The following IL17RB variants were observed in gnomAD, a reference collection of about 807,000 sequenced individuals.
The protein encoded by IL17RB is interleukin 17 receptor B.
IL17RB carries 36 observed loss-of-function variants against 43.9 expected under a neutral mutation model. The ratio of observed to expected loss-of-function variants is 0.82; its 90% CI spans 0.63 to 1.08. IL17RB has a LOEUF of 1.08. IL17RB is among the 50% of genes least tolerant of loss of function. IL17RB has a pLI of 0.00. For missense variants in IL17RB, 613 were observed against 613.6 expected (o/e 1.00, Z 0.01); for synonymous variants, 225 against 225.4 (o/e 1.00, Z 0.02).
chr3:53,852,349 G>C (rs927324104), intron 4 of IL17RB, among the ~76,000 whole-genome samples: 1 of 152,132 alleles, frequency 6.6e-6, no homozygotes, highest in East Asian at 1.9e-4. Flanking sequence ...CCGTGTTGCT[G>C]GTCTTGAATT....
At chr3:53,863,437 C>A (rs1699643213) in intron 10 of IL17RB, among the ~76,000 whole-genome samples, 1 of 152,182 alleles carries the variant, frequency 6.6e-6, no homozygotes, top group South Asian at 2.1e-4. Flanking sequence ...AAAGGAAATA[C>A]AAATGCATCC....
chr3:53,865,364 A>C lies in IL17RB; in HGVS notation c.*56A>C. ...GCTTCCTATCCCACCAATTACAGGG[A>C]AAAAACGTGTGATGATCCTGAAGCT... On this transcript the variant is annotated 3_prime_UTR_variant, in exon 11 of 11. Coordinates refer to ENST00000288167, the MANE Select transcript of IL17RB (RefSeq NM_018725.4). The C allele has an allele frequency of 7.2e-7, 1 of 1,380,032 alleles. No individual in the cohort carries two copies. Among genetic ancestry groups the C allele is most frequent in the Admixed American group, 2.2e-5 (1 of 46,188 alleles). The allele number at this position is 1,380,032 out of a possible 1,614,324, so 85.5% of individuals were successfully genotyped here. A position where few individuals can be genotyped will look rare whatever the true frequency, so the allele number is the denominator to read the frequency against.
intron 3 of IL17RB, 79 bp downstream of exon 3, chr3:53,849,874 C>T: frequency 7.3e-7 from 1 of 1,373,070 alleles, no homozygotes; most frequent in South Asian, 1.5e-5. Context: ...ACCATTAATT[C>T]CCCTTCTACG....
chr3:53,855,427 A>G, intron 6 of IL17RB, 86 bp downstream of exon 6: 1 of 949,296 alleles, frequency 1.1e-6, no homozygotes, highest in Non-Finnish European at 1.7e-6. Context: ...GCACAGAAGA[A>G]CTGAGCCCTA....
In IL17RB at chr3:53,860,085, G is replaced by C. The variant is rs1034284320; in HGVS notation, c.848-45G>C. 6.4e-6 allele frequency: 8 copies of C among 1,243,008 alleles called. No homozygotes were observed. The African/African-American group carries it at 8.9e-5, about 14-fold the overall frequency. The allele number at this position is 1,243,008 out of a possible 1,614,324, so 77.0% of individuals were successfully genotyped here. A position where few individuals can be genotyped will look rare whatever the true frequency, so the allele number is the denominator to read the frequency against. ...TCTTAGTTTTTAAATTAAGAGATAA[G>C]TGTGGATTTGTTTTCCAAAGGTGAA... On this transcript the variant is annotated intron_variant, in intron 9 of 10. Coordinates refer to ENST00000288167, the MANE Select transcript of IL17RB (RefSeq NM_018725.4).
At chr3:53,853,073 G>A in intron 5 of IL17RB, 76 bp downstream of exon 5, 1 of 1,569,938 alleles carries the variant, frequency 6.4e-7, no homozygotes, top group East Asian at 2.2e-5. Context: ...AGAGAGCCCA[G>A]GGAACCCTGG....
At chr3:53,849,196 C>T (rs1218362170) in intron 2 of IL17RB, among the ~76,000 whole-genome samples, 2 of 152,176 alleles carry the variant, frequency 1.3e-5, no homozygotes, top group Admixed American at 1.3e-4. Context: ...CTGAGGAAGG[C>T]AGGCCTGACT....
chr3:53,850,497 C>T (rs1699098038), intron 3 of IL17RB, among the ~76,000 whole-genome samples: 1 of 117,670 alleles, frequency 8.5e-6, no homozygotes, highest in African/African-American at 3.3e-5. Context: ...GAAACTCCGT[C>T]TCAAAAAAAA....
rs376984504 is a variant in IL17RB at position 53,851,993 on chromosome 3, C to T, written c.227-6C>T. 1.1e-5 allele frequency: 18 copies of T among 1,613,904 alleles called. No individual in the cohort carries two copies. Among genetic ancestry groups the T allele is most frequent in the African/African-American group, 9.3e-5 (7 of 74,892 alleles). ...TAAACCAATGTCCTCTTGCCTATCTCGGCAGCCAGCATCCGCTTGTTGAAG... is the reference window on the plus strand; with the variant it reads ...TAAACCAATGTCCTCTTGCCTATCTTGGCAGCCAGCATCCGCTTGTTGAAG... On this transcript the variant is annotated splice_polypyrimidine_tract_variant and splice_region_variant and intron_variant, in intron 3 of 10. Coordinates refer to ENST00000288167, the MANE Select transcript of IL17RB (RefSeq NM_018725.4).
chr3:53,849,557 G>A, intron 2 of IL17RB, 98 bp from the exon 3 acceptor site: 1 of 1,081,306 alleles, frequency 9.2e-7, no homozygotes, highest in Non-Finnish European at 1.3e-6. Flanking sequence ...GAGGAATTGT[G>A]AATGGGGGAA....
In IL17RB at chr3:53,864,798, G is replaced by C. The variant is rs149264259; in HGVS notation, c.999G>C (p.Lys333Asn). ...FSTTTLLPPI[K>N]VLVVYPSEIC... ...CCACCACACTACTGCCCCCCATTAA[G>C]GTTCTTGTGGTTTACCCATCTGAAA... The change falls in exon 11 of 11, where the codon AAG becomes AAC. Residue 333 changes from lysine (K) to asparagine (N), a missense_variant. Lys to Asn is a moderately conservative substitution (Grantham distance 94). Coordinates refer to ENST00000288167, the MANE Select transcript of IL17RB (RefSeq NM_018725.4). 8 of 1,613,952 alleles carry C rather than the reference G, an allele frequency of 5.0e-6. No individual in the cohort carries two copies. The African/African-American group carries it at 9.3e-5, about 19-fold the overall frequency.
rs1249810783 is a variant in IL17RB at position 53,860,172 on chromosome 3, C to T, written c.890C>T (p.Ser297Phe). The T allele has an allele frequency of 6.2e-7, 1 of 1,614,140 alleles. No individual in the cohort carries two copies. Among genetic ancestry groups the T allele is most frequent in the Non-Finnish European group, 8.5e-7 (1 of 1,179,996 alleles). ...PGGWLPLLLL[S>F]LLVATWVLVA... The stretch of plus-strand genomic sequence containing the variant: ...GGCTGGCTGCCTCTCCTCCTGCTGT[C>T]TCTGCTGGTGGCCACATGGGTGCTG... Residue 297 changes from serine (S) to phenylalanine (F), a missense_variant, in exon 10 of 11, where the codon TCT becomes TTT. Transcript: ENST00000288167.
At chr3:53,852,208 C>A (rs1162896362) in intron 4 of IL17RB, 82 bp downstream of exon 4, 5 of 1,263,584 alleles carry the variant, frequency 4.0e-6, no homozygotes, top group South Asian at 1.3e-5. Context: ...GTGGTGCGAT[C>A]ATGGCTCACT....
At chr3:53,848,557 C>T (rs1699021168) in intron 1 of IL17RB, 107 bp from the exon 2 acceptor site, 2 of 1,065,674 alleles carry the variant, frequency 1.9e-6, no homozygotes, top group African/African-American at 1.6e-5. Context: ...GAAAGTTTGT[C>T]ACTTGTATAT....
At chr3:53,857,499 G>T (rs1174270515) in intron 7 of IL17RB, 117 bp from the exon 8 acceptor site, 1 of 834,726 alleles carries the variant, frequency 1.2e-6, no homozygotes, top group Non-Finnish European at 2.1e-6. Flanking sequence ...TGCCCAGGCT[G>T]GTCTCAAAAT....
intron 6 of IL17RB, 35 bp from the exon 7 acceptor site, chr3:53,856,809 C>T (rs1699348627): frequency 6.2e-7 from 1 of 1,611,964 alleles, no homozygotes; most frequent in Admixed American, 1.7e-5. Context: ...GAAGAGTTAG[C>T]AAGTTCATCT....
In IL17RB at chr3:53,855,336, A is replaced by T; in HGVS notation, c.524A>T (p.Lys175Met). The stretch of plus-strand genomic sequence containing the variant: ...ATGAAATATAAAAAAAAGTGTGTCA[A>T]GGCCGGTAAGTAAATACGGCATTTG... Reference protein sequence around the residue: ...HIMKYKKKCVKAGSLWDPNIT... With the variant: ...HIMKYKKKCVMAGSLWDPNIT... Residue 175 changes from lysine to methionine, a missense_variant, in exon 6 of 11, where the codon AAG (lysine) becomes ATG (methionine). Transcript: ENST00000288167. 1 of 1,602,072 alleles carries T rather than the reference A, an allele frequency of 6.2e-7. No homozygotes were observed. The highest frequency in any genetic ancestry group is 8.5e-7 in the Non-Finnish European group (1 of 1,170,076).
chr3:53,859,646 A>C (rs533960317), intron 9 of IL17RB: 3 of 153,276 alleles, frequency 2.0e-5, no homozygotes, highest in Admixed American at 1.9e-4. Context: ...AGAACCAAAA[A>C]AACTGGACAG....
rs1699759998 is a variant in IL17RB at position 53,865,658 on chromosome 3, G to C, written c.*350G>C. On this transcript the variant is annotated 3_prime_UTR_variant, in exon 11 of 11. Transcript: ENST00000288167. ...CAGAACTGTTTAGCTAATATTCTATGTTTAATTAATGAATACTAACTCTAA... is the reference window on the plus strand; with the variant it reads ...CAGAACTGTTTAGCTAATATTCTATCTTTAATTAATGAATACTAACTCTAA... The C allele has an allele frequency of 5.7e-6, 1 of 175,418 alleles. No individual in the cohort carries two copies. The highest frequency in any genetic ancestry group is 2.4e-5 in the African/African-American group (1 of 42,294). 10.9% of individuals were successfully genotyped at this position (175,418 alleles called of 1,614,324 possible).
Sources: allele counts gnomAD v4.1 joint callset (sites outside exome capture counted in the v4.1 genomes callset), GRCh38; gene constraint gnomAD v4.1.1; transcripts MANE v1.5; gene names NCBI Gene and HGNC (gene_info 2026-07-23, HGNC 2026-07-21).